METTL14: variants seen among roughly 807,000 people sequenced by gnomAD.
METTL14 encodes the protein N(6)-adenosine-methyltransferase non-catalytic subunit METTL14.
Under a neutral mutation model 62.4 loss-of-function variants are expected in METTL14, and 32 were observed. The observed-to-expected ratio is 0.51, with a 90% CI of 0.39 to 0.69. The LOEUF (loss-of-function observed/expected upper bound fraction) is 0.69, where lower values mean the gene tolerates loss of function less well. METTL14 is among the 30% of genes least tolerant of loss of function. METTL14 has a pLI of 0.00. For missense variants in METTL14, 340 were observed against 551.9 expected, an observed-to-expected ratio of 0.62 and a Z score of 3.85; for synonymous variants, 150 against 180.0, an observed-to-expected ratio of 0.83 and a Z score of 1.34.
Position 118,709,999 on chromosome 4 carries a change from C to A in METTL14, c.1068C>A (p.Gly356=). The part of the protein sequence containing the change: ...LFGRDSTIRP[G]WLTVGPTLTN... ...TAATCTTTTTTTCCTCCATTTCAGGCTGGCTCACAGTTGGACCAACGCTTA... is the reference window on the plus strand; with the variant it reads ...TAATCTTTTTTTCCTCCATTTCAGGATGGCTCACAGTTGGACCAACGCTTA... Residue 356 remains glycine (G), a splice_region_variant and synonymous_variant, in exon 11 of 11, where the codon GGC becomes GGA. Coordinates refer to ENST00000388822, the MANE Select transcript of METTL14 (RefSeq NM_020961.4). 6.3e-7 allele frequency: 1 copy of A among 1,587,012 alleles called. No homozygotes were observed. Among genetic ancestry groups the A allele is most frequent in the Admixed American group, 1.8e-5 (1 of 54,150 alleles).
At chr4:118,692,479 G>A (rs1304296431) in intron 5 of METTL14, among the ~76,000 whole-genome samples, 1 of 151,900 alleles carries the variant, frequency 6.6e-6, no homozygotes, top group Non-Finnish European at 1.5e-5. Context: ...TGTTGGCCAG[G>A]CTGGTCTGGA....
At position 118,707,656 on chromosome 4, in the gene METTL14, C is replaced by T. The variant is rs571805286; in HGVS notation, c.1066+1835C>T. The stretch of plus-strand genomic sequence containing the variant: ...TCCAGCCAGGGTGACAGAATAAGAC[C>T]CTGTCTCAAAAAAAAAAAAAAAAAA... On this transcript the variant is annotated intron_variant, in intron 10 of 10. Coordinates refer to ENST00000388822, the MANE Select transcript of METTL14 (RefSeq NM_020961.4). Among the ~76,000 whole-genome samples, 675 of 142,452 alleles carry T rather than the reference C, an allele frequency of 4.7e-3. 1 individual carries two copies. The highest frequency in any genetic ancestry group is 6.1e-3 in the Non-Finnish European group (397 of 65,346). 93.5% of individuals were successfully genotyped at this position (142,452 alleles called of 152,430 possible).
At chr4:118,708,331 TC>T in intron 10 of METTL14, among the ~76,000 whole-genome samples, 1 of 152,332 alleles carries the variant, frequency 6.6e-6, no homozygotes, top group East Asian at 1.9e-4. Flanking sequence ...CTTTAAATTT[TC>T]TGTTTCTTAT....
chr4:118,696,203 T>C (rs1163324439), intron 6 of METTL14, among the ~76,000 whole-genome samples: 1 of 150,270 alleles, frequency 6.7e-6, no homozygotes, highest in South Asian at 2.1e-4. Flanking sequence ...GGAGAGGAAG[T>C]CTAAGTATAC....
At chr4:118,693,667 G>A (rs957460608) in intron 5 of METTL14, among the ~76,000 whole-genome samples, 2 of 152,120 alleles carry the variant, frequency 1.3e-5, no homozygotes, top group Non-Finnish European at 2.9e-5. Flanking sequence ...GATATAAACT[G>A]CTCTGCTCTT....
In METTL14 at chr4:118,687,979, G is replaced by C; in HGVS notation, c.123G>C (p.Gln41His). The change falls in exon 2 of 11, where the codon CAG (glutamine) becomes CAC (histidine). Residue 41 changes from glutamine (Q) to histidine (H), a missense_variant. Around this residue, in one of 7 missense-constraint regions of METTL14, gnomAD observed 111 missense variants for 116.6 expected, o/e 0.95. Transcript: ENST00000388822. Reference sequence around the variant, plus strand: ...CCGTGTTAAATAGCAAAGATGAGCAGAGAGAAATTGCTGAAACAAGAGAAA... The same window carrying C: ...CCGTGTTAAATAGCAAAGATGAGCACAGAGAAATTGCTGAAACAAGAGAAA... ...IGAVLNSKDE[Q>H]REIAETRETC... 1.2e-6 allele frequency: 2 copies of C among 1,613,416 alleles called. No individual in the cohort carries two copies. Among genetic ancestry groups the C allele is most frequent in the Non-Finnish European group, 1.7e-6 (2 of 1,179,686 alleles).
chr4:118,694,040 TAAC>T (rs1724328339), intron 5 of METTL14, among the ~76,000 whole-genome samples: 1 of 149,272 alleles, frequency 6.7e-6, no homozygotes, highest in African/African-American at 2.4e-5. Flanking sequence ...GTAAAAATCT[TAAC>T]AATCAGGTTC....
At position 118,710,586 on chromosome 4, in the gene METTL14, G is replaced by A. The variant is rs1304514640; in HGVS notation, c.*284G>A. 4 of 275,092 alleles carry A rather than the reference G, an allele frequency of 1.5e-5. No individual in the cohort carries two copies. The highest frequency in any genetic ancestry group is 9.8e-5 in the Admixed American group (2 of 20,468). 17.0% of individuals were successfully genotyped at this position (275,092 alleles called of 1,614,324 possible). A position where few individuals can be genotyped will look rare whatever the true frequency, so the allele number is the denominator to read the frequency against. ...ACTGAATTTATTCTGATAGACTTCA[G>A]CTAATTACAAAGGATTTTGCTAATT... On this transcript the variant is annotated 3_prime_UTR_variant, in exon 11 of 11. Coordinates refer to ENST00000388822, the MANE Select transcript of METTL14 (RefSeq NM_020961.4).
At position 118,688,059 on chromosome 4, in the gene METTL14, C is replaced by T. The variant is rs371942165; in HGVS notation, c.155+48C>T. 2.9e-4 allele frequency: 416 copies of T among 1,441,122 alleles called. No homozygotes were observed. The Middle Eastern group carries it at 8.6e-3, about 30-fold the overall frequency. The allele number at this position is 1,441,122 out of a possible 1,614,324, so 89.3% of individuals were successfully genotyped here. On this transcript the variant is annotated intron_variant, in intron 2 of 10. Transcript: ENST00000388822. ...TTTTTTTTTTTGAGACAGGGTTTCA[C>T]TCTGTTGCTTAGGCTGGATAGGCTG...
In METTL14 at chr4:118,687,821, G is replaced by A. The variant is rs10002843; in HGVS notation, c.67-102G>A. 2,084 of 782,472 alleles carry A rather than the reference G, an allele frequency of 2.7e-3. 26 individuals are homozygous for A. The African/African-American group carries it at 0.032, about 12-fold the overall frequency. 48.5% of individuals were successfully genotyped at this position (782,472 alleles called of 1,614,324 possible). A position where few individuals can be genotyped will look rare whatever the true frequency, so the allele number is the denominator to read the frequency against. ...TGTGTGTGTGTGTGTGAATTAAGGTGTTTTTGTTTTTTAAGTATTTAATGT... is the reference window on the plus strand; with the variant it reads ...TGTGTGTGTGTGTGTGAATTAAGGTATTTTTGTTTTTTAAGTATTTAATGT... On this transcript the variant is annotated intron_variant, in intron 1 of 10. Transcript: ENST00000388822.
At position 118,701,188 on chromosome 4, in the gene METTL14, T is replaced by G. The variant is rs576094445; in HGVS notation, c.738+546T>G. Among the ~76,000 whole-genome samples, 49 of 150,180 alleles carry G rather than the reference T, an allele frequency of 3.3e-4. No individual in the cohort carries two copies. In the East Asian group the frequency reaches 7.9e-3, roughly 24 times the overall value. On this transcript the variant is annotated intron_variant, in intron 8 of 10. Coordinates refer to ENST00000388822, the MANE Select transcript of METTL14 (RefSeq NM_020961.4). ...TTTTATTGGAGTTTTTTTTTGTTTT[T>G]TTTTGTTTTTTTGAGACAAGGTACC...
At chr4:118,699,214 A>G (rs1053293412) in intron 7 of METTL14, among the ~76,000 whole-genome samples, 18 of 152,134 alleles carry the variant, frequency 1.2e-4, no homozygotes, top group South Asian at 6.2e-4. Context: ...ACTCTTAATA[A>G]TATCTATTTT....
At chr4:118,690,603 C>A (rs1560877203) in intron 3 of METTL14, among the ~76,000 whole-genome samples, 1 of 151,102 alleles carries the variant, frequency 6.6e-6, no homozygotes, top group Non-Finnish European at 1.5e-5. Context: ...TCGCTTGAAC[C>A]TGGGAGGCAG....
chr4:118,696,249 T>G (rs1724409428), intron 6 of METTL14, among the ~76,000 whole-genome samples: 1 of 151,952 alleles, frequency 6.6e-6, no homozygotes, highest in Admixed American at 6.6e-5. Flanking sequence ...ACACCTTTAC[T>G]TTCTTGCTTA....
chr4:118,688,797 C>T (rs1579064636), intron 2 of METTL14, among the ~76,000 whole-genome samples: 1 of 152,182 alleles, frequency 6.6e-6, no homozygotes, highest in Middle Eastern at 3.4e-3. Context: ...CCTCAGCCTC[C>T]CCAGTAGCTG....
chr4:118,693,307 C>T (rs1366032908), intron 5 of METTL14, among the ~76,000 whole-genome samples: 1 of 151,984 alleles, frequency 6.6e-6, no homozygotes, highest in Non-Finnish European at 1.5e-5. Flanking sequence ...TATCCTAATA[C>T]TTTGTGTATT....
chr4:118,700,453 C>A, intron 7 of METTL14, 97 bp from the exon 8 acceptor site: 1 of 885,328 alleles, frequency 1.1e-6, no homozygotes, highest in Non-Finnish European at 1.8e-6. Flanking sequence ...ACTTAAAGAA[C>A]ACATCTATCC....
chr4:118,710,184 G>A lies in METTL14; in HGVS notation c.1253G>A (p.Arg418Lys). The change falls in exon 11 of 11, where the codon AGA (arginine) becomes AAA (lysine). Residue 418 changes from arginine (R) to lysine (K), a missense_variant. By Grantham distance (26) the Arg-to-Lys change is conservative. Transcript: ENST00000388822. ...GGTGGAGCTCCCAGAGGTGGAGGAAGAGGTGGAACTTCTGCTGGCCGTGGA... is the reference window on the plus strand; with the variant it reads ...GGTGGAGCTCCCAGAGGTGGAGGAAAAGGTGGAACTTCTGCTGGCCGTGGA... ...RGGGAPRGGG[R>K]GGTSAGRGRE... is the part of the protein sequence containing the mutation. The A allele has an allele frequency of 1.2e-6, 2 of 1,614,228 alleles. No homozygotes were observed. The highest frequency in any genetic ancestry group is 8.5e-7 in the Non-Finnish European group (1 of 1,180,048).
chr4:118,696,527 G>T (rs776939259), intron 6 of METTL14, among the ~76,000 whole-genome samples: 2 of 152,108 alleles, frequency 1.3e-5, no homozygotes, highest in Non-Finnish European at 2.9e-5. Flanking sequence ...GAGCAATATA[G>T]TGAGACCTTG....
Sources: gnomAD v4.1 joint callset for allele counts (sites outside exome capture counted in the v4.1 genomes callset) on GRCh38, gnomAD v4.1.1 for gene constraint, gnomAD v4.1.1 regional missense constraint, MANE v1.5 for transcripts, NCBI Gene and HGNC (gene_info 2026-07-23, HGNC 2026-07-21) for gene names.